Variants in SVEP1 observed in about 807,000 individuals in gnomAD.
SVEP1 encodes the protein sushi, von Willebrand factor type A, EGF and pentraxin domain-containing protein 1.
In SVEP1, 164 loss-of-function variants were observed where a neutral mutation model predicts 367.3. The observed-to-expected ratio is 0.45, with a 90% CI of 0.39 to 0.51. SVEP1 has a LOEUF of 0.51. Among genes scored for constraint, SVEP1 ranks in the 20% least tolerant of loss-of-function variants. The pLI, the probability that SVEP1 is intolerant of heterozygous loss-of-function variation, is 0.00. For missense variants in SVEP1, 4,117 were observed against 4,425.3 expected (o/e 0.93, Z 1.98); for synonymous variants, 1,666 against 1,611.6 (o/e 1.03, Z -0.81).
chr9:110,482,404 G>A lies in SVEP1; in HGVS notation c.2127C>T (p.Pro709=), dbSNP rs1237034161. The A allele has an allele frequency of 6.2e-7, 1 of 1,612,172 alleles. No homozygotes were observed. Among genetic ancestry groups the A allele is most frequent in the African/African-American group, 1.3e-5 (1 of 75,004 alleles). The change falls in exon 11 of 48, where the codon CCC becomes CCT. Residue 709 remains proline (P), a synonymous_variant. Coordinates refer to ENST00000374469, the MANE Select transcript of SVEP1 (RefSeq NM_153366.4). ...ETIVQYTATD[P]SGNNRTCDIH... is the part of the protein sequence containing the mutation. ...TATCACATGTCCTGTTATTGCCTGA[G>A]GGGTCAGTGGCTGTATACTGTACTA...
chr9:110,377,478 G>A (rs1827366292), intron 44 of SVEP1, 112 bp from the exon 45 acceptor site: 2 of 929,416 alleles, frequency 2.2e-6, no homozygotes, highest in Middle Eastern at 2.3e-4. Context: ...AAGCTTTCAG[G>A]AAGAGAGACA....
At chr9:110,566,370 A>ATAAT (rs1830494307) in intron 1 of SVEP1, among the ~76,000 whole-genome samples, 1 of 142,690 alleles carries the variant, frequency 7.0e-6, no homozygotes, top group African/African-American at 2.6e-5. Context: ...AAATAAATAA[A>ATAAT]TAATAACCTA....
At chr9:110,549,802 A>G in intron 2 of SVEP1, 47 bp downstream of exon 2, 3 of 1,601,546 alleles carry the variant, frequency 1.9e-6, no homozygotes, top group Non-Finnish European at 1.7e-6. Flanking sequence ...AGAGGCAAGG[A>G]AGCCTCATTT....
At chr9:110,390,277 ATATATATACATACT>A (rs1230367768) in intron 40 of SVEP1, among the ~76,000 whole-genome samples, 42 of 73,764 alleles carry the variant, frequency 5.7e-4, no homozygotes, top group East Asian at 1.4e-3. Flanking sequence ...ATATATACTT[ATATATATACATACT>A]TATATATACT....
intron 43 of SVEP1, among the ~76,000 whole-genome samples, chr9:110,383,110 G>A (rs1395127809): frequency 6.6e-6 from 1 of 152,176 alleles, no homozygotes; most frequent in East Asian, 1.9e-4. Context: ...CTGGAGAAGT[G>A]TTGCAATCAT....
intron 2 of SVEP1, 25 bp downstream of exon 2, chr9:110,549,824 T>A: frequency 6.2e-7 from 1 of 1,610,942 alleles, no homozygotes; most frequent in Non-Finnish European, 8.5e-7. Flanking sequence ...AAAGTACCTT[T>A]GTGATGCCAT....
At chr9:110,435,138 A>G in intron 29 of SVEP1, 103 bp downstream of exon 29, 1 of 1,301,132 alleles carries the variant, frequency 7.7e-7, no homozygotes, top group Non-Finnish European at 1.0e-6. Context: ...ATTGACAGTC[A>G]CATACGATTG....
chr9:110,455,622 T>C lies in SVEP1; in HGVS notation c.3755A>G (p.Glu1252Gly). The C allele has an allele frequency of 6.2e-7, 1 of 1,613,568 alleles. No individual in the cohort carries two copies. Among genetic ancestry groups the C allele is most frequent in the Non-Finnish European group, 8.5e-7 (1 of 1,179,708 alleles). The part of the protein sequence containing the change: ...NNGVCKDLVG[E>G]FICECPSGYT... ...ACCTGATGGGCACTCACAAATGAAT[T>C]CCCCAACTAGGTCTTTACAAACTCC... is the stretch of plus-strand genomic sequence containing the variant. The change falls in exon 22 of 48, where the codon GAA (glutamate) becomes GGA (glycine). Residue 1252 changes from glutamate (E) to glycine (G), a missense_variant. Glu to Gly is a moderately conservative substitution (Grantham distance 98). This residue lies in a region of SVEP1 where 2,174 missense variants were observed against 2,494.3 expected (regional missense o/e 0.87). Transcript: ENST00000374469.
rs1288152358 is a variant in SVEP1, at chr9:110,390,336, C to CTTATATATGTGTATAT, written c.9823-750_9823-749insATATACACATATATAA. Among the ~76,000 whole-genome samples the CTTATATATGTGTATAT allele has an allele frequency of 9.1e-4, 21 of 22,994 alleles. 3 individuals carry two copies. Among genetic ancestry groups the CTTATATATGTGTATAT allele is most frequent in the African/African-American group, 6.2e-3 (19 of 3,056 alleles). 15.1% of individuals were successfully genotyped at this position (22,994 alleles called of 152,430 possible). A position where few individuals can be genotyped will look rare whatever the true frequency, so the allele number is the denominator to read the frequency against. On this transcript the variant is annotated intron_variant, in intron 40 of 47. Coordinates refer to ENST00000374469, the MANE Select transcript of SVEP1 (RefSeq NM_153366.4). Reference sequence around the variant, plus strand: ...ATGTGTATATATACTTATATATACACATACTTATATACACTTATATATATA... The same window carrying CTTATATATGTGTATAT: ...ATGTGTATATATACTTATATATACACTTATATATGTGTATATATACTTATATACACTTATATATATA...
Position 110,501,843 on chromosome 9 carries a change from T to C in SVEP1, c.1483+1195A>G, listed in dbSNP as rs375799985. ...ATAATGAAGTAATTTATTATATTGA[T>C]AGATTACTTAATTTTAACTCCCTTT... is the stretch of plus-strand genomic sequence containing the variant. On this transcript the variant is annotated intron_variant, in intron 6 of 47. Coordinates refer to ENST00000374469, the MANE Select transcript of SVEP1 (RefSeq NM_153366.4). Among the ~76,000 whole-genome samples the C allele has an allele frequency of 2.2e-4, 33 of 152,304 alleles. No individual in the cohort carries two copies. The East Asian group carries it at 4.0e-3, about 19-fold the overall frequency.
chr9:110,439,664 T>A (rs1360726251), intron 27 of SVEP1, among the ~76,000 whole-genome samples: 1 of 152,108 alleles, frequency 6.6e-6, no homozygotes, highest in Non-Finnish European at 1.5e-5. Flanking sequence ...CGTCCCAAAG[T>A]GCTGGGACTA....
At chr9:110,555,412 C>T (rs1382340686) in intron 1 of SVEP1, among the ~76,000 whole-genome samples, 2 of 152,108 alleles carry the variant, frequency 1.3e-5, no homozygotes, top group East Asian at 1.9e-4. Context: ...TGTCTGGGTA[C>T]ATGCACGTGT....
At chr9:110,561,786 G>A (rs1165803697) in intron 1 of SVEP1, among the ~76,000 whole-genome samples, 1 of 152,116 alleles carries the variant, frequency 6.6e-6, no homozygotes, top group Non-Finnish European at 1.5e-5. Flanking sequence ...CAGTAATTGA[G>A]CTTTCCTATT....
chr9:110,403,598 C>T (rs770274582), intron 39 of SVEP1, among the ~76,000 whole-genome samples: 4 of 151,776 alleles, frequency 2.6e-5, no homozygotes, highest in Admixed American at 6.6e-5. Flanking sequence ...CCACCGTGCC[C>T]GGCCCGATTC....
In SVEP1 at chr9:110,390,241, G is replaced by GTATATATACTTATATATACACATACT. The variant is rs1564127391; in HGVS notation, c.9823-655_9823-654insAGTATGTGTATATATAAGTATATATA. On this transcript the variant is annotated intron_variant, in intron 40 of 47. Transcript: ENST00000374469. ...TGTATATATACTTATATAAGTATGTGTATATATACTTATATAAGTATGTAT... is the reference window on the plus strand; with the variant it reads ...TGTATATATACTTATATAAGTATGTGTATATATACTTATATATACACATACTTATATATACTTATATAAGTATGTAT... 8.2e-4 allele frequency among the ~76,000 whole-genome samples: 43 copies of GTATATATACTTATATATACACATACT among 52,630 alleles called. 7 individuals carry two copies. The highest frequency in any genetic ancestry group is 1.2e-3 in the Non-Finnish European group (33 of 26,746). 34.5% of individuals were successfully genotyped at this position (52,630 alleles called of 152,430 possible). A position where few individuals can be genotyped will look rare whatever the true frequency, so the allele number is the denominator to read the frequency against.
intron 8 of SVEP1, among the ~76,000 whole-genome samples, chr9:110,491,992 G>GA (rs144156992): frequency 0.029 from 4,353 of 151,756 alleles, 201 homozygotes; most frequent in African/African-American, 0.1. Context: ...CACTCAGGAA[G>GA]AAAAAAAGCA....
chr9:110,398,794 G>C (rs1432687168), intron 40 of SVEP1, among the ~76,000 whole-genome samples: 1 of 152,196 alleles, frequency 6.6e-6, no homozygotes, highest in Non-Finnish European at 1.5e-5. Flanking sequence ...ACCACAATGA[G>C]ATGCCATCTC....
rs549704614 is a variant in SVEP1, at chr9:110,535,667, GTCATCTCTGATT to G, written c.964+10436_964+10447del. 7.2e-3 allele frequency among the ~76,000 whole-genome samples: 1,090 copies of G among 152,146 alleles called. 2 individuals are homozygous for G. The highest frequency in any genetic ancestry group is 0.01 in the South Asian group (50 of 4,816). On this transcript the variant is annotated intron_variant, in intron 3 of 47. Transcript: ENST00000374469. ...ATGGAAGGTTTTCCCATTTGTTTGTGTCATCTCTGATTTCTTTGAGCAGTGTGTTGTCATTCT... is the reference window on the plus strand; with the variant it reads ...ATGGAAGGTTTTCCCATTTGTTTGTGTCTTTGAGCAGTGTGTTGTCATTCT...
chr9:110,458,462 T>A lies in SVEP1; in HGVS notation c.3576+9A>T, dbSNP rs2064809908. 1.9e-6 allele frequency: 3 copies of A among 1,608,998 alleles called. No individual in the cohort carries two copies. Among genetic ancestry groups the A allele is most frequent in the Non-Finnish European group, 2.5e-6 (3 of 1,177,598 alleles). ...CCACTAGAGAACAGTTTATGCAAAATGAACTTGCCTGACTGCTGATTTCAT... is the reference window on the plus strand; with the variant it reads ...CCACTAGAGAACAGTTTATGCAAAAAGAACTTGCCTGACTGCTGATTTCAT... On this transcript the variant is annotated intron_variant, in intron 20 of 47. Coordinates refer to ENST00000374469, the MANE Select transcript of SVEP1 (RefSeq NM_153366.4).
Sources: gnomAD v4.1 joint callset for allele counts (sites outside exome capture counted in the v4.1 genomes callset) on GRCh38, gnomAD v4.1.1 for gene constraint, gnomAD v4.1.1 regional missense constraint, MANE v1.5 for transcripts, NCBI Gene and HGNC (gene_info 2026-07-23, HGNC 2026-07-21) for gene names.